YTHDC2: variants seen among roughly 807,000 people sequenced by gnomAD.
YTHDC2 encodes the protein YTH N6-methyladenosine RNA binding protein C2.
In YTHDC2, 45 loss-of-function variants were observed where a neutral mutation model predicts 174.9. That is an observed-to-expected ratio of 0.26 (90% CI 0.20 to 0.33). The LOEUF (loss-of-function observed/expected upper bound fraction) is 0.33, where lower values mean the gene tolerates loss of function less well. Among genes scored for constraint, YTHDC2 ranks in the 10% least tolerant of loss-of-function variants. YTHDC2 has a pLI of 1.00. For missense variants in YTHDC2, 1,650 were observed against 1,723.7 expected, an observed-to-expected ratio of 0.96 and a Z score of 0.76; for synonymous variants, 657 against 574.5, an observed-to-expected ratio of 1.14 and a Z score of -2.05.
Position 113,535,694 on chromosome 5 carries a change from G to T in YTHDC2, c.998G>T (p.Arg333Ile). The change falls in exon 7 of 30, where the codon AGA (arginine) becomes ATA (isoleucine). Residue 333 changes from arginine to isoleucine, a missense_variant. By Grantham distance (97) the Arg-to-Ile change is moderately conservative. Around this residue, in one of 5 missense-constraint regions of YTHDC2, gnomAD observed 411 missense variants for 380.6 expected, o/e 1.08. Coordinates refer to ENST00000161863, the MANE Select transcript of YTHDC2 (RefSeq NM_022828.5). ...AGTGATTTTTTACTTACAAAGTTAA[G>T]AGATTTGTTGCAAAAGCACCCAACT... The part of the protein sequence containing the change: ...RFSDFLLTKL[R>I]DLLQKHPTLK... 1 of 1,613,778 alleles carries T rather than the reference G, an allele frequency of 6.2e-7. No homozygotes were observed. The highest frequency in any genetic ancestry group is 8.5e-7 in the Non-Finnish European group (1 of 1,179,872).
chr5:113,591,267 A>T (rs775572546), intron 27 of YTHDC2, 23 bp downstream of exon 27: 5 of 1,612,370 alleles, frequency 3.1e-6, no homozygotes, highest in Non-Finnish European at 4.2e-6. Context: ...GAATCAGTAA[A>T]ATGGGGTTGT....
At chr5:113,555,191 C>A (rs1438919713) in intron 16 of YTHDC2, among the ~76,000 whole-genome samples, 1 of 151,782 alleles carries the variant, frequency 6.6e-6, no homozygotes, top group Non-Finnish European at 1.5e-5. Flanking sequence ...TAGAAAGTTC[C>A]TTTAGGTGTT....
chr5:113,555,106 A>G (rs1239228469), intron 16 of YTHDC2, among the ~76,000 whole-genome samples: 1 of 151,966 alleles, frequency 6.6e-6, no homozygotes, highest in African/African-American at 2.4e-5. Flanking sequence ...AAAAATCTTA[A>G]TGGTGAGCCA....
Position 113,513,889 on chromosome 5 carries a change from C to T in YTHDC2, c.-7C>T, listed in dbSNP as rs1314378117. Reference sequence around the variant, plus strand: ...CTCCCGTGCGGAGAGACCATCTCTTCAGGGCAATGTCCAGGCCGAGCAGCG... The same window carrying T: ...CTCCCGTGCGGAGAGACCATCTCTTTAGGGCAATGTCCAGGCCGAGCAGCG... On this transcript the variant is annotated 5_prime_UTR_variant, in exon 1 of 30. Coordinates refer to ENST00000161863, the MANE Select transcript of YTHDC2 (RefSeq NM_022828.5). 1.2e-6 allele frequency: 2 copies of T among 1,600,246 alleles called. No individual in the cohort carries two copies. Among genetic ancestry groups the T allele is most frequent in the Non-Finnish European group, 1.7e-6 (2 of 1,174,988 alleles).
At position 113,542,457 on chromosome 5, in the gene YTHDC2, T is replaced by C; in HGVS notation, c.1449T>C (p.Asp483=). The change falls in exon 10 of 30, where the codon GAT becomes GAC. Residue 483 remains aspartate, a synonymous_variant. Transcript: ENST00000161863. ...ATATATGGCTACATAAAGATATTGA[T>C]GCCTTTGCTCAGGTCTTTCATCTCA... ...LSDIWLHKDI[D]AFAQVFHLIL... 1 of 1,612,730 alleles carries C rather than the reference T, an allele frequency of 6.2e-7. No homozygotes were observed. Among genetic ancestry groups the C allele is most frequent in the Non-Finnish European group, 8.5e-7 (1 of 1,179,558 alleles).
intron 10 of YTHDC2, among the ~76,000 whole-genome samples, chr5:113,546,489 G>A (rs888572491): frequency 2.0e-5 from 3 of 152,144 alleles, no homozygotes; most frequent in Non-Finnish European, 4.4e-5. Context: ...CACCAGAACT[G>A]AAAATATGTC....
chr5:113,516,224 A>C (rs937626800), intron 2 of YTHDC2, among the ~76,000 whole-genome samples: 2 of 152,128 alleles, frequency 1.3e-5, no homozygotes, highest in African/African-American at 2.4e-5. Flanking sequence ...TATGGAACTT[A>C]CTTCTTTTAC....
intron 2 of YTHDC2, among the ~76,000 whole-genome samples, chr5:113,518,761 G>A (rs1773661146): frequency 6.6e-6 from 1 of 151,970 alleles, no homozygotes; most frequent in Non-Finnish European, 1.5e-5. Context: ...GACTTATTGT[G>A]TGATAGCTTT....
rs1401713456 is a variant in YTHDC2 at position 113,594,404 on chromosome 5, C to T, written c.*930C>T. On this transcript the variant is annotated 3_prime_UTR_variant, in exon 30 of 30. Transcript: ENST00000161863. ...TGGTAGCTTGCTTGCTGTGCGTCTT[C>T]CAAACTAAAGCCTGCAAGCGCCACA... 6.6e-6 allele frequency: 1 copy of T among 152,212 alleles called. No homozygotes were observed. Among genetic ancestry groups the T allele is most frequent in the Non-Finnish European group, 1.5e-5 (1 of 68,048 alleles). The allele number at this position is 152,212 out of a possible 1,614,324, so 9.4% of individuals were successfully genotyped here.
intron 12 of YTHDC2, among the ~76,000 whole-genome samples, chr5:113,551,104 C>T (rs1776224057): frequency 1.3e-5 from 2 of 152,062 alleles, no homozygotes; most frequent in Admixed American, 6.6e-5. Flanking sequence ...AATGTAGTCT[C>T]AGACATTTGA....
At position 113,592,017 on chromosome 5, in the gene YTHDC2, G is replaced by C. The variant is rs1193714135; in HGVS notation, c.4051G>C (p.Glu1351Gln). The C allele has an allele frequency of 1.9e-6, 3 of 1,608,546 alleles. No homozygotes were observed. Among genetic ancestry groups the C allele is most frequent in the Non-Finnish European group, 1.7e-6 (2 of 1,177,154 alleles). Reference protein sequence around the residue: ...HFQGFSRMSSEIGREKSQDWG... With the variant: ...HFQGFSRMSSQIGREKSQDWG... ...ACAGGGATTTTCTAGGATGTCTTCT[G>C]AGATTGGAAGGGAAAAGAGTCAGGA... Residue 1351 changes from glutamate (E) to glutamine (Q), a missense_variant, in exon 28 of 30, where the codon GAG becomes CAG. Glu to Gln is a conservative substitution (Grantham distance 29). This residue lies in a region of YTHDC2 where 913 missense variants were observed against 940.4 expected (regional missense o/e 0.97). Coordinates refer to ENST00000161863, the MANE Select transcript of YTHDC2 (RefSeq NM_022828.5).
chr5:113,516,301 G>C (rs1037831271), intron 2 of YTHDC2, among the ~76,000 whole-genome samples: 6 of 152,134 alleles, frequency 3.9e-5, no homozygotes, highest in African/African-American at 1.2e-4. Context: ...CCAAGTCAAG[G>C]ATCTGATGAT....
At chr5:113,561,542 C>G (rs1181399788) in intron 18 of YTHDC2, among the ~76,000 whole-genome samples, 2 of 151,084 alleles carry the variant, frequency 1.3e-5, no homozygotes, top group Non-Finnish European at 2.9e-5. Flanking sequence ...GATCTCGGCT[C>G]ACTGCAACCT....
At chr5:113,554,364 C>T (rs551348395) in intron 16 of YTHDC2, among the ~76,000 whole-genome samples, 2 of 152,176 alleles carry the variant, frequency 1.3e-5, no homozygotes, top group East Asian at 3.9e-4. Context: ...AATGTTGTCA[C>T]ACAGTATGGG....
intron 10 of YTHDC2, among the ~76,000 whole-genome samples, chr5:113,547,938 A>G (rs1006398382): frequency 9.8e-5 from 15 of 152,298 alleles, no homozygotes; most frequent in Admixed American, 3.9e-4. Context: ...TGCTTGAGAA[A>G]TATATTCTAG....
intron 2 of YTHDC2, among the ~76,000 whole-genome samples, chr5:113,517,973 C>T (rs1199416803): frequency 1.3e-5 from 2 of 150,980 alleles, no homozygotes; most frequent in Non-Finnish European, 2.9e-5. Context: ...ACTGCAAGCT[C>T]CACCTCCCGG....
chr5:113,515,397 A>G, intron 2 of YTHDC2, 35 bp downstream of exon 2: 1 of 1,553,194 alleles, frequency 6.4e-7, no homozygotes, highest in Non-Finnish European at 8.8e-7. Flanking sequence ...TTTTTAAAAA[A>G]GATTATTTGC....
At chr5:113,550,169 G>C (rs1202963183) in intron 12 of YTHDC2, among the ~76,000 whole-genome samples, 2 of 151,728 alleles carry the variant, frequency 1.3e-5, no homozygotes, top group Non-Finnish European at 2.9e-5. Flanking sequence ...ATAGGTGAAA[G>C]GAATGCTCAG....
chr5:113,545,464 G>A (rs1775804454), intron 10 of YTHDC2, among the ~76,000 whole-genome samples: 1 of 151,704 alleles, frequency 6.6e-6, no homozygotes, highest in Non-Finnish European at 1.5e-5. Context: ...GCTCACTGCA[G>A]CCTTGACTTC....
Sources: gnomAD v4.1 joint callset for allele counts (sites outside exome capture counted in the v4.1 genomes callset) on GRCh38, gnomAD v4.1.1 for gene constraint, gnomAD v4.1.1 regional missense constraint, MANE v1.5 for transcripts, NCBI Gene and HGNC (gene_info 2026-07-23, HGNC 2026-07-21) for gene names.